The following MYO1E variants were observed in gnomAD, a reference collection of about 807,000 sequenced individuals.
The protein encoded by MYO1E is unconventional myosin-Ie.
MYO1E carries 68 observed loss-of-function variants against 151.1 expected under a neutral mutation model. The observed-to-expected ratio is 0.45, with a 90% CI of 0.37 to 0.55. The LOEUF (loss-of-function observed/expected upper bound fraction) is 0.55, where lower values mean the gene tolerates loss of function less well. Among genes scored for constraint, MYO1E ranks in the 20% least tolerant of loss-of-function variants. The probability of loss-of-function intolerance (pLI) is 0.00; values close to 1 mark genes in which losing one functional copy is unlikely to be tolerated. For missense variants in MYO1E, 1,363 were observed against 1,389.3 expected (o/e 0.98, Z 0.30); for synonymous variants, 601 against 501.7 (o/e 1.20, Z -2.64).
chr15:59,177,368 C>G (rs1219925009), intron 19 of MYO1E, among the ~76,000 whole-genome samples: 1 of 152,122 alleles, frequency 6.6e-6, no homozygotes, highest in African/African-American at 2.4e-5. Context: ...ACGAGGCAGG[C>G]AGAAACAGTG....
chr15:59,237,623 T>G (rs2080074650), intron 4 of MYO1E, among the ~76,000 whole-genome samples: 1 of 147,768 alleles, frequency 6.8e-6, no homozygotes, highest in Non-Finnish European at 1.5e-5. Flanking sequence ...TGCTACAAGT[T>G]CATAGGACAA....
Position 59,269,720 on chromosome 15 carries a change from C to T in MYO1E, c.147+2586G>A, listed in dbSNP as rs375132619. On this transcript the variant is annotated intron_variant, in intron 2 of 27. Transcript: ENST00000288235. ...ACTAAAAATACAAAAATTAGCTGGG[C>T]GTGGTGGTGCACACCTGTAGTCCCA... is the stretch of plus-strand genomic sequence containing the variant. Among the ~76,000 whole-genome samples, 17 of 151,994 alleles carry T rather than the reference C, an allele frequency of 1.1e-4. No individual in the cohort carries two copies. In the East Asian group the frequency reaches 2.3e-3, roughly 21 times the overall value.
At position 59,244,570 on chromosome 15, in the gene MYO1E, T is replaced by A. The variant is rs553753957; in HGVS notation, c.333-7898A>T. ...AGGTCTTTCCACTGCACCTCATGACTGAAAGTGGTAATGGATTATTAACCA... is the reference window on the plus strand; with the variant it reads ...AGGTCTTTCCACTGCACCTCATGACAGAAAGTGGTAATGGATTATTAACCA... On this transcript the variant is annotated intron_variant, in intron 4 of 27. Transcript: ENST00000288235. Among the ~76,000 whole-genome samples the A allele has an allele frequency of 2.6e-5, 4 of 152,300 alleles. No individual in the cohort carries two copies. In the East Asian group the frequency reaches 7.7e-4, roughly 29 times the overall value.
intron 4 of MYO1E, among the ~76,000 whole-genome samples, chr15:59,247,057 A>G (rs1301585953): frequency 6.6e-6 from 1 of 152,178 alleles, no homozygotes; most frequent in East Asian, 1.9e-4. Flanking sequence ...TTAGCCAGGC[A>G]TGATGGTGCG....
chr15:59,137,296 G>A lies in MYO1E; in HGVS notation c.*84C>T. Reference sequence around the variant, plus strand: ...CTTGGAGAAGCAATTGCTCATTGTGGATTGTAAGGGGAGCCCCTAAATATC... The same window carrying A: ...CTTGGAGAAGCAATTGCTCATTGTGAATTGTAAGGGGAGCCCCTAAATATC... On this transcript the variant is annotated 3_prime_UTR_variant, in exon 28 of 28. Coordinates refer to ENST00000288235, the MANE Select transcript of MYO1E (RefSeq NM_004998.4). The A allele has an allele frequency of 8.1e-7, 1 of 1,229,552 alleles. No individual in the cohort carries two copies. Among genetic ancestry groups the A allele is most frequent in the Non-Finnish European group, 1.2e-6 (1 of 832,610 alleles). The allele number at this position is 1,229,552 out of a possible 1,614,324, so 76.2% of individuals were successfully genotyped here. A position where few individuals can be genotyped will look rare whatever the true frequency, so the allele number is the denominator to read the frequency against.
chr15:59,368,360 A>G (rs904020595), intron 1 of MYO1E, among the ~76,000 whole-genome samples: 1 of 152,076 alleles, frequency 6.6e-6, no homozygotes, highest in South Asian at 2.1e-4. Flanking sequence ...TCATGCCTGT[A>G]ATCACTTTGG....
At chr15:59,290,645 G>T (rs2080413671) in intron 1 of MYO1E, among the ~76,000 whole-genome samples, 1 of 152,202 alleles carries the variant, frequency 6.6e-6, no homozygotes, top group African/African-American at 2.4e-5. Flanking sequence ...CGGTGCCTCA[G>T]CACAATCAGA....
intron 26 of MYO1E, 61 bp from the exon 27 acceptor site, chr15:59,138,428 T>G (rs2079387531): frequency 6.3e-7 from 1 of 1,587,812 alleles, no homozygotes; most frequent in African/African-American, 1.3e-5. Flanking sequence ...CACCGAACGG[T>G]GGTTTGGAGC....
At chr15:59,149,486 ATC>A (rs1456788917) in intron 26 of MYO1E, among the ~76,000 whole-genome samples, 4 of 152,206 alleles carry the variant, frequency 2.6e-5, no homozygotes, top group Admixed American at 1.3e-4. Context: ...TCCCACGCAG[ATC>A]TCTCAGTGTT....
chr15:59,181,031 G>A (rs2079655406), intron 18 of MYO1E, among the ~76,000 whole-genome samples: 2 of 152,074 alleles, frequency 1.3e-5, no homozygotes, highest in Admixed American at 6.5e-5. Flanking sequence ...AAATGCAGCT[G>A]GGACCCCAGG....
chr15:59,303,746 C>T (rs186520211), intron 1 of MYO1E, among the ~76,000 whole-genome samples: 96 of 152,122 alleles, frequency 6.3e-4, no homozygotes, highest in African/African-American at 2.2e-3. Flanking sequence ...CAGGGAAAGG[C>T]GGTGGCACAA....
intron 24 of MYO1E, among the ~76,000 whole-genome samples, chr15:59,160,696 G>T (rs534709169): frequency 6.6e-6 from 1 of 152,180 alleles, no homozygotes; most frequent in East Asian, 1.9e-4. Context: ...TGGGATTATA[G>T]GTGTGAGCCA....
intron 13 of MYO1E, among the ~76,000 whole-genome samples, chr15:59,209,743 G>C: frequency 7.4e-6 from 1 of 134,572 alleles, no homozygotes; most frequent in South Asian, 2.5e-4. Context: ...ACTGTTTCCA[G>C]TTTTTGGCTT....
intron 12 of MYO1E, among the ~76,000 whole-genome samples, chr15:59,211,709 C>T (rs2079880433): frequency 6.6e-6 from 1 of 152,100 alleles, no homozygotes; most frequent in South Asian, 2.1e-4. Flanking sequence ...CACCATCGGC[C>T]CTGTTATCCA....
At chr15:59,195,637 G>C (rs754788680) in intron 16 of MYO1E, 70 bp from the exon 17 acceptor site, 12 of 1,335,304 alleles carry the variant, frequency 9.0e-6, no homozygotes, top group Non-Finnish European at 1.3e-5. Flanking sequence ...AAGGAGACTT[G>C]TAAAACTCTC....
At chr15:59,188,784 T>G (rs1445617663) in intron 17 of MYO1E, among the ~76,000 whole-genome samples, 1 of 152,072 alleles carries the variant, frequency 6.6e-6, no homozygotes, top group East Asian at 1.9e-4. Flanking sequence ...AGAATAACAG[T>G]AACACAAAGA....
chr15:59,295,528 G>C (rs1470686856), intron 1 of MYO1E, among the ~76,000 whole-genome samples: 1 of 152,228 alleles, frequency 6.6e-6, no homozygotes, highest in East Asian at 1.9e-4. Context: ...AGAGGGTGCA[G>C]CCCAGGTCAT....
At chr15:59,340,199 AC>A (rs1293551305) in intron 1 of MYO1E, among the ~76,000 whole-genome samples, 1 of 152,060 alleles carries the variant, frequency 6.6e-6, no homozygotes, top group Non-Finnish European at 1.5e-5. Context: ...GTGGTGTGCA[AC>A]CTATAATCGA....
At chr15:59,138,426 G>C in intron 26 of MYO1E, 59 bp from the exon 27 acceptor site, 2 of 1,593,136 alleles carry the variant, frequency 1.3e-6, no homozygotes, top group Non-Finnish European at 1.7e-6. Flanking sequence ...AGCACCGAAC[G>C]GTGGTTTGGA....
Sources: gnomAD v4.1 joint callset for allele counts (sites outside exome capture counted in the v4.1 genomes callset) on GRCh38, gnomAD v4.1.1 for gene constraint, MANE v1.5 for transcripts, NCBI Gene and HGNC (gene_info 2026-07-23, HGNC 2026-07-21) for gene names.